Variants in DGKB observed in about 807,000 individuals in gnomAD.
The protein encoded by DGKB is 90 kDa diacylglycerol kinase.
DGKB carries 67 observed loss-of-function variants against 114.3 expected under a neutral mutation model. That is an observed-to-expected ratio of 0.59 (90% CI 0.48 to 0.72). The LOEUF is 0.72. Ranked by LOEUF, DGKB falls within the 30% of genes least tolerant of loss-of-function variation. The pLI, the probability that DGKB is intolerant of heterozygous loss-of-function variation, is 0.00. For synonymous variants in DGKB, 398 were observed against 323.1 expected (o/e 1.23, Z -2.49); for missense variants, 907 against 975.2 (o/e 0.93, Z 0.93).
Position 14,938,297 on chromosome 7 carries a change from T to A in DGKB, c.-188+36399A>T, listed in dbSNP as rs112035808. On this transcript the variant is annotated intron_variant, in intron 1 of 4. Transcript: ENST00000437998. ...TCTGAATATAATTTTAAAGGTGGTA[T>A]CTAAGAGATTAAACAGAATACAGAG... Among the ~76,000 whole-genome samples, 454 of 152,304 alleles carry A rather than the reference T, an allele frequency of 3.0e-3. 4 individuals are homozygous for A. Among genetic ancestry groups the A allele is most frequent in the African/African-American group, 0.01 (426 of 41,576 alleles).
chr7:14,607,327 A>C, intron 17 of DGKB, 107 bp downstream of exon 17: 1 of 637,612 alleles, frequency 1.6e-6, no homozygotes, highest in South Asian at 1.9e-5. Flanking sequence ...TTTATGTACT[A>C]ATATGCTGCT....
At chr7:14,818,450 C>T (rs1844468524) in intron 2 of DGKB, among the ~76,000 whole-genome samples, 1 of 152,120 alleles carries the variant, frequency 6.6e-6, no homozygotes, top group African/African-American at 2.4e-5. Flanking sequence ...GTGTGGCCCA[C>T]TGTGTTCCCC....
At chr7:14,568,715 G>A (rs934903592) in intron 20 of DGKB, among the ~76,000 whole-genome samples, 1 of 152,166 alleles carries the variant, frequency 6.6e-6, no homozygotes, top group Admixed American at 6.5e-5. Context: ...AATACAAAGG[G>A]TCTATAACAA....
intron 6 of DGKB, among the ~76,000 whole-genome samples, chr7:14,706,968 GA>G (rs1826366779): frequency 6.7e-6 from 1 of 148,228 alleles, no homozygotes; most frequent in Admixed American, 6.7e-5. Context: ...ACTAAAATCA[GA>G]GCAGAACTGA....
At chr7:14,833,668 G>C (rs1173000097) in intron 2 of DGKB, among the ~76,000 whole-genome samples, 1 of 152,022 alleles carries the variant, frequency 6.6e-6, no homozygotes, top group Non-Finnish European at 1.5e-5. Flanking sequence ...TCAGTGCTTA[G>C]ACTCATGCCC....
intron 5 of DGKB, among the ~76,000 whole-genome samples, chr7:14,720,200 T>G (rs1828908234): frequency 6.6e-6 from 1 of 152,066 alleles, no homozygotes; most frequent in Non-Finnish European, 1.5e-5. Flanking sequence ...TTCTGAAAAT[T>G]TTTCTCAAAC....
intron 23 of DGKB, among the ~76,000 whole-genome samples, chr7:14,252,982 C>A (rs1473737098): frequency 6.6e-6 from 1 of 152,000 alleles, no homozygotes; most frequent in Non-Finnish European, 1.5e-5. Flanking sequence ...AATCTGTCAT[C>A]CAGATTCCTT....
chr7:14,281,509 A>T (rs1342782102), intron 23 of DGKB, among the ~76,000 whole-genome samples: 1 of 147,146 alleles, frequency 6.8e-6, no homozygotes, highest in Non-Finnish European at 1.5e-5. Context: ...CACCAAGCGG[A>T]CCTAATAGAC....
intron 13 of DGKB, among the ~76,000 whole-genome samples, chr7:14,644,222 G>A (rs1812454821): frequency 6.6e-6 from 1 of 151,722 alleles, no homozygotes; most frequent in South Asian, 2.1e-4. Flanking sequence ...AGGAAAAAAA[G>A]TGTTACCCTA....
chr7:14,696,579 T>C (rs562890715), intron 8 of DGKB, among the ~76,000 whole-genome samples: 26 of 125,504 alleles, frequency 2.1e-4, no homozygotes, highest in African/African-American at 6.3e-4. Flanking sequence ...CTCCATCTAA[T>C]AACAAGCTGG....
chr7:14,782,389 A>G (rs1839248797), intron 2 of DGKB, among the ~76,000 whole-genome samples: 1 of 152,168 alleles, frequency 6.6e-6, no homozygotes, highest in African/African-American at 2.4e-5. Flanking sequence ...TTAGACTTTA[A>G]TATTTTGTTT....
chr7:14,674,634 G>A (rs1563870511), intron 12 of DGKB, among the ~76,000 whole-genome samples: 1 of 152,210 alleles, frequency 6.6e-6, no homozygotes, highest in South Asian at 2.1e-4. Flanking sequence ...AAGCTAAGAT[G>A]TTGGTTTAGC....
At chr7:14,791,164 C>T (rs1411400960) in intron 2 of DGKB, among the ~76,000 whole-genome samples, 1 of 151,992 alleles carries the variant, frequency 6.6e-6, no homozygotes, top group Non-Finnish European at 1.5e-5. Flanking sequence ...AAGTCTTGTA[C>T]ATATTTTGTT....
At chr7:14,282,047 C>G (rs1206886574) in intron 23 of DGKB, among the ~76,000 whole-genome samples, 1 of 88,012 alleles carries the variant, frequency 1.1e-5, no homozygotes, top group African/African-American at 4.5e-5. Context: ...CACAAAAAAC[C>G]CTTCAAAAAA....
intron 23 of DGKB, among the ~76,000 whole-genome samples, chr7:14,252,947 T>G (rs1428701159): frequency 6.6e-6 from 1 of 152,208 alleles, no homozygotes; most frequent in African/African-American, 2.4e-5. Context: ...TGTTCTCTTA[T>G]TTCTGTGTTC....
At chr7:14,161,150 A>AAGTC (rs1245088965) in intron 25 of DGKB, among the ~76,000 whole-genome samples, 1 of 152,216 alleles carries the variant, frequency 6.6e-6, no homozygotes, top group African/African-American at 2.4e-5. Flanking sequence ...GATCATTAAA[A>AAGTC]AGTCAGGAAA....
At chr7:14,646,865 T>C (rs1291933912) in intron 13 of DGKB, among the ~76,000 whole-genome samples, 1 of 151,538 alleles carries the variant, frequency 6.6e-6, no homozygotes, top group East Asian at 1.9e-4. Flanking sequence ...AACACCTATA[T>C]AAAAAATTAA....
intron 13 of DGKB, among the ~76,000 whole-genome samples, chr7:14,637,999 G>A (rs1441191258): frequency 1.3e-5 from 2 of 151,834 alleles, no homozygotes; most frequent in African/African-American, 2.4e-5. Context: ...AAAGAAGAAT[G>A]ATTATTTATT....
chr7:14,468,557 AT>A (rs1780819014), intron 21 of DGKB, among the ~76,000 whole-genome samples: 1 of 148,820 alleles, frequency 6.7e-6, no homozygotes, highest in African/African-American at 2.6e-5. Flanking sequence ...TATATATAAT[AT>A]TATCTATGTA....
Sources: gnomAD v4.1 joint callset for allele counts (sites outside exome capture counted in the v4.1 genomes callset) on GRCh38, gnomAD v4.1.1 for gene constraint, MANE v1.5 for transcripts, NCBI Gene and HGNC (gene_info 2026-07-23, HGNC 2026-07-21) for gene names.